DZANK1: variants seen among roughly 807,000 people sequenced by gnomAD.
DZANK1 encodes double zinc ribbon and ankyrin repeat-containing protein 1.
DZANK1 carries 91 observed loss-of-function variants against 94.5 expected under a neutral mutation model. That is an observed-to-expected ratio of 0.96 (90% CI 0.81 to 1.15). The LOEUF is 1.15. DZANK1 is among the 50% of genes most tolerant of loss of function. The pLI is 0.00. For missense variants in DZANK1, 903 were observed against 916.4 expected, an observed-to-expected ratio of 0.99 and a Z score of 0.19; for synonymous variants, 312 against 325.3, an observed-to-expected ratio of 0.96 and a Z score of 0.44.
chr20:18,412,716 G>A, exon 13 of DZANK1: 15 of 1,613,628 alleles, frequency 9.3e-6, no homozygotes, highest in Non-Finnish European at 1.3e-5. Context: ...GCTTTTGAGA[G>A]GCTAGTTCCT....
intron 1 of DZANK1, 115 bp from the exon 2 acceptor site, chr20:18,465,492 A>G (rs2059617209): frequency 1.0e-5 from 4 of 382,168 alleles, no homozygotes. Flanking sequence ...TGGCACTACA[A>G]ATATTATTCC....
At chr20:18,412,585 G>A in intron 13 of DZANK1, 61 bp downstream of exon 13, 1 of 1,477,514 alleles carries the variant, frequency 6.8e-7, no homozygotes, top group African/African-American at 1.4e-5. Flanking sequence ...AAAATGAAAT[G>A]TTCTTTCACA....
exon 12 of DZANK1, chr20:18,414,477 T>C (rs201583269): frequency 1.9e-6 from 3 of 1,612,856 alleles, no homozygotes; most frequent in East Asian, 2.2e-5. Context: ...TGGCCCCACA[T>C]TTAGGGCAAA....
intron 10 of DZANK1, among the ~76,000 whole-genome samples, chr20:18,422,870 T>C (rs1305386211): frequency 4.0e-5 from 6 of 151,850 alleles, no homozygotes; most frequent in African/African-American, 1.5e-4. Flanking sequence ...AATTTTAAGA[T>C]TTTTTTCTAT....
intron 9 of DZANK1, among the ~76,000 whole-genome samples, chr20:18,432,284 A>C (rs939811987): frequency 6.6e-6 from 1 of 152,234 alleles, no homozygotes; most frequent in African/African-American, 2.4e-5. Flanking sequence ...ATCCTGAATA[A>C]ATGTATTAAT....
At chr20:18,421,901 G>A (rs529671759) in intron 10 of DZANK1, among the ~76,000 whole-genome samples, 37 of 152,142 alleles carry the variant, frequency 2.4e-4, no homozygotes, top group Admixed American at 5.9e-4. Flanking sequence ...CATTTTTAAT[G>A]GCATTATTTG....
At chr20:18,446,899 C>T (rs1282634041) in intron 7 of DZANK1, among the ~76,000 whole-genome samples, 4 of 152,064 alleles carry the variant, frequency 2.6e-5, no homozygotes, top group Non-Finnish European at 4.4e-5. Flanking sequence ...AAAGAAAATC[C>T]CCCAACATCC....
chr20:18,456,927 G>A (rs2059312766), intron 3 of DZANK1, among the ~76,000 whole-genome samples: 1 of 152,168 alleles, frequency 6.6e-6, no homozygotes, highest in Admixed American at 6.5e-5. Context: ...AGATACTGAG[G>A]AGTGGAATTG....
chr20:18,433,700 C>T lies in DZANK1; in HGVS notation c.813G>A (p.Glu271=), dbSNP rs74836272. 312 of 1,614,052 alleles carry T rather than the reference C, an allele frequency of 1.9e-4. No individual in the cohort carries two copies. The African/African-American group carries it at 3.6e-3, about 19-fold the overall frequency. The stretch of plus-strand genomic sequence containing the variant: ...GCTGCAGCTGTAGAGCAAGAGGGGC[C>T]TCACACACCACACAGATGGGAGTGT... The change falls in exon 9 of 21, where the codon GAG becomes GAA. Residue 271 remains glutamate (E), a synonymous_variant. Coordinates refer to ENST00000262547, the Ensembl canonical transcript of DZANK1.
chr20:18,449,680 C>G (rs1171045847), intron 6 of DZANK1, among the ~76,000 whole-genome samples: 1 of 148,754 alleles, frequency 6.7e-6, no homozygotes, highest in East Asian at 2.0e-4. Context: ...ATCGCTTGAA[C>G]CCAGGAGGTG....
At chr20:18,460,035 T>A (rs6075343) in intron 3 of DZANK1, 118 bp downstream of exon 3, 155,729 of 746,704 alleles carry the variant, frequency 0.21, 17,866 homozygotes, top group Non-Finnish European at 0.24. Flanking sequence ...GAAATTAAAA[T>A]AATGTTTCAG....
At chr20:18,434,018 A>G (rs2058402374) in intron 8 of DZANK1, 1 of 402,948 alleles carries the variant, frequency 2.5e-6, no homozygotes, top group African/African-American at 2.0e-5. Context: ...TGACCACTAC[A>G]CATTATTTGT....
chr20:18,461,339 A>C (rs1445061400), intron 2 of DZANK1, among the ~76,000 whole-genome samples: 1 of 152,134 alleles, frequency 6.6e-6, no homozygotes, highest in African/African-American at 2.4e-5. Context: ...CTAGGAAATA[A>C]ATTTAAATTT....
At chr20:18,465,869 C>G (rs1309395365) in intron 1 of DZANK1, among the ~76,000 whole-genome samples, 1 of 152,218 alleles carries the variant, frequency 6.6e-6, no homozygotes, top group Admixed American at 6.5e-5. Context: ...TTGCCATTAT[C>G]ACCAGAGCAG....
At position 18,465,144 on chromosome 20, in the gene DZANK1, C is replaced by T. The variant is rs138677092; in HGVS notation, c.109+106G>A. The T allele has an allele frequency of 5.5e-5, 40 of 727,714 alleles. No homozygotes were observed. In the East Asian group the frequency reaches 1.1e-3, roughly 21 times the overall value. The allele number at this position is 727,714 out of a possible 1,614,324, so 45.1% of individuals were successfully genotyped here. ...GAAGTTTTACAAATTTCCCAAAAAG[C>T]TGAGCAAAGAGTGAGAAAGCAGGCA... On this transcript the variant is annotated intron_variant, in intron 2 of 20. Coordinates refer to ENST00000262547, the Ensembl canonical transcript of DZANK1.
chr20:18,392,054 T>TA (rs1487379399), intron 17 of DZANK1, among the ~76,000 whole-genome samples: 4 of 152,230 alleles, frequency 2.6e-5, no homozygotes, highest in Non-Finnish European at 5.9e-5. Context: ...CTGGTACACG[T>TA]GTGCTCAAAA....
At chr20:18,427,606 G>GGGGTGTGTGTGTGTGT (rs112783791) in intron 9 of DZANK1, among the ~76,000 whole-genome samples, 1 of 148,692 alleles carries the variant, frequency 6.7e-6, no homozygotes, top group African/African-American at 2.5e-5. Flanking sequence ...TGTAAGGTTG[G>GGGGTGTGTGTGTGTGT]GTGTGTGTGT....
At chr20:18,394,148 A>G (rs1384110185) in intron 16 of DZANK1, 106 bp downstream of exon 16, 6 of 966,656 alleles carry the variant, frequency 6.2e-6, no homozygotes, top group Non-Finnish European at 9.4e-6. Context: ...CATAACTGCA[A>G]GATCTGTGAC....
chr20:18,394,117 A>G (rs2056183792), intron 16 of DZANK1, 137 bp downstream of exon 16: 1 of 757,356 alleles, frequency 1.3e-6, no homozygotes, highest in Non-Finnish European at 2.1e-6. Context: ...CAGAGAAGCC[A>G]GAGAAATAAA....
Sources: gnomAD v4.1 joint callset for allele counts (sites outside exome capture counted in the v4.1 genomes callset) on GRCh38, gnomAD v4.1.1 for gene constraint, MANE v1.5 for transcripts, NCBI Gene and HGNC (gene_info 2026-07-23, HGNC 2026-07-21) for gene names.